The following INPP4B variants were observed in gnomAD, a reference collection of about 807,000 sequenced individuals.
The protein encoded by INPP4B is inositol polyphosphate-4-phosphatase type II B, also known as inositol polyphosphate 4-phosphatase type II.
In INPP4B, 55 loss-of-function variants were observed where a neutral mutation model predicts 122.5. The observed-to-expected ratio is 0.45, with a 90% CI of 0.36 to 0.56. The LOEUF (loss-of-function observed/expected upper bound fraction) is 0.56, where lower values mean the gene tolerates loss of function less well. INPP4B is among the 20% of genes least tolerant of loss of function. INPP4B has a pLI of 0.00. For synonymous variants in INPP4B, 403 were observed against 388.7 expected (o/e 1.04, Z -0.43); for missense variants, 1,000 against 1,097.7 (o/e 0.91, Z 1.26).
intron 7 of INPP4B, among the ~76,000 whole-genome samples, chr4:142,396,105 A>C (rs1799271811): frequency 6.6e-6 from 1 of 152,124 alleles, no homozygotes; most frequent in African/African-American, 2.4e-5. Flanking sequence ...ATGCAAAAAA[A>C]ATTGATAAAC....
rs187962870 is a variant in INPP4B, at chr4:142,601,805, C to T, written c.-191+124034G>A. Among the ~76,000 whole-genome samples, 404 of 150,958 alleles carry T rather than the reference C, an allele frequency of 2.7e-3. 6 individuals carry two copies. The highest frequency in any genetic ancestry group is 0.019 in the East Asian group (95 of 5,096). The stretch of plus-strand genomic sequence containing the variant: ...TAACATGGTGAAACCCCATCTCTAC[C>T]GAAAATATAAAAAATTAGCCAGGTG... On this transcript the variant is annotated intron_variant, in intron 2 of 25. Transcript: ENST00000262992.
intron 11 of INPP4B, among the ~76,000 whole-genome samples, chr4:142,249,026 G>GAAATTC (rs1364823048): frequency 2.6e-5 from 4 of 151,692 alleles, no homozygotes; most frequent in Non-Finnish European, 5.9e-5. Context: ...AATAGTAGGT[G>GAAATTC]GTTTAACCCT....
intron 2 of INPP4B, among the ~76,000 whole-genome samples, chr4:142,545,684 C>CACACATATATGTGTATATATAT (rs1553955831): frequency 2.6e-4 from 37 of 144,090 alleles, no homozygotes; most frequent in African/African-American, 9.9e-4. Flanking sequence ...AGATTTAATA[C>CACACATATATGTGTATATATAT]ACACATATAT....
chr4:142,220,765 G>A (rs549736725), intron 12 of INPP4B, among the ~76,000 whole-genome samples: 1 of 152,210 alleles, frequency 6.6e-6, no homozygotes. Flanking sequence ...GTGTTAGCAG[G>A]TTTGGTTTCT....
At chr4:142,520,779 TCTC>T (rs1384176293) in intron 2 of INPP4B, among the ~76,000 whole-genome samples, 1 of 151,924 alleles carries the variant, frequency 6.6e-6, no homozygotes, top group Non-Finnish European at 1.5e-5. Context: ...AAGTATAATT[TCTC>T]CTCAGATTAT....
chr4:142,128,023 C>T (rs55679069), intron 18 of INPP4B, among the ~76,000 whole-genome samples: 19,030 of 151,980 alleles, frequency 0.13, 1,357 homozygotes, highest in East Asian at 0.23. Flanking sequence ...ATGCTTTAGT[C>T]TTTTGCTTTA....
chr4:142,086,077 T>C (rs559638424), intron 24 of INPP4B, 67 bp downstream of exon 24: 34 of 1,067,722 alleles, frequency 3.2e-5, no homozygotes, highest in South Asian at 2.7e-4. Context: ...CCCTGCACAG[T>C]AGAGAACTGA....
intron 14 of INPP4B, among the ~76,000 whole-genome samples, chr4:142,206,445 T>C (rs1465773108): frequency 6.6e-6 from 1 of 151,304 alleles, no homozygotes; most frequent in Non-Finnish European, 1.5e-5. Flanking sequence ...TCACCAAATA[T>C]AATAACATAA....
intron 1 of INPP4B, among the ~76,000 whole-genome samples, chr4:142,779,624 G>A (rs76400020): frequency 0.025 from 3,766 of 151,984 alleles, 60 homozygotes; most frequent in Middle Eastern, 0.095. Flanking sequence ...CCTTCATTCC[G>A]TGTTTATAAC....
intron 2 of INPP4B, among the ~76,000 whole-genome samples, chr4:142,507,407 G>A (rs1376009893): frequency 1.3e-5 from 2 of 152,000 alleles, no homozygotes; most frequent in Non-Finnish European, 2.9e-5. Context: ...AACGTCTCCT[G>A]GGCAGGGGAC....
intron 16 of INPP4B, among the ~76,000 whole-genome samples, chr4:142,171,951 A>G (rs868044066): frequency 2.6e-5 from 4 of 151,886 alleles, no homozygotes; most frequent in African/African-American, 9.7e-5. Context: ...GTGGTGTGCT[A>G]TTCGCTAAAA....
rs1051936153 is a variant in INPP4B at position 142,548,409 on chromosome 4, C to A, written c.-190-85683G>T. ...GGTCATGAAAGGAAAAGTCTACTTT[C>A]TGAAATACAAATGAAAAGATCAATA... On this transcript the variant is annotated intron_variant, in intron 2 of 25. Transcript: ENST00000262992. Among the ~76,000 whole-genome samples, 13 of 152,146 alleles carry A rather than the reference C, an allele frequency of 8.5e-5. 1 individual carries two copies. Among genetic ancestry groups the A allele is most frequent in the African/African-American group, 3.1e-4 (13 of 41,438 alleles).
chr4:142,455,561 T>G (rs2149540500), intron 3 of INPP4B, among the ~76,000 whole-genome samples: 1 of 152,148 alleles, frequency 6.6e-6, no homozygotes, highest in East Asian at 1.9e-4. Context: ...TCCATTCATC[T>G]GTTTATGGAC....
chr4:142,410,758 T>C (rs1804434377), intron 5 of INPP4B, among the ~76,000 whole-genome samples: 1 of 152,252 alleles, frequency 6.6e-6, no homozygotes, highest in Middle Eastern at 3.4e-3. Context: ...ATAAAGACAA[T>C]AAGGTAATGT....
chr4:142,165,787 C>T (rs948410033), intron 16 of INPP4B, among the ~76,000 whole-genome samples: 1 of 151,708 alleles, frequency 6.6e-6, no homozygotes, highest in Non-Finnish European at 1.5e-5. Flanking sequence ...AGCTATGAAA[C>T]ATTGCTGAAA....
At chr4:142,097,908 A>G (rs561373136) in intron 23 of INPP4B, among the ~76,000 whole-genome samples, 1 of 152,332 alleles carries the variant, frequency 6.6e-6, no homozygotes, top group South Asian at 2.1e-4. Context: ...TTAATGGAAT[A>G]GAAACAACGT....
chr4:142,449,698 C>CA (rs761552688), intron 3 of INPP4B, among the ~76,000 whole-genome samples: 4,410 of 105,116 alleles, frequency 0.042, 119 homozygotes, highest in African/African-American at 0.1. Context: ...GACTCTGTCC[C>CA]AAAAAAAAAA....
intron 25 of INPP4B, among the ~76,000 whole-genome samples, chr4:142,039,561 A>G (rs959359773): frequency 6.6e-6 from 1 of 152,100 alleles, no homozygotes; most frequent in African/African-American, 2.4e-5. Context: ...ACAGTTAGGA[A>G]AGTGGCCTGG....
intron 3 of INPP4B, among the ~76,000 whole-genome samples, chr4:142,460,787 C>T (rs1373603319): frequency 3.9e-5 from 6 of 152,144 alleles, no homozygotes; most frequent in African/African-American, 1.2e-4. Context: ...CTTTGCAACA[C>T]ATATGCTGAA....
Sources: gnomAD v4.1 joint callset for allele counts (sites outside exome capture counted in the v4.1 genomes callset) on GRCh38, gnomAD v4.1.1 for gene constraint, MANE v1.5 for transcripts, NCBI Gene and HGNC (gene_info 2026-07-23, HGNC 2026-07-21) for gene names.